Variants in FBXW10B observed in about 807,000 individuals in gnomAD.
FBXW10B encodes the protein F-box and WD repeat domain containing 10B, also known as F-box and WD repeat domain containing protein 10B.
chr17:15,619,675 A>C, the FBXW10B span: 1 of 935,324 alleles, frequency 1.1e-6, no homozygotes. Flanking sequence ...TGGAAAGCCT[A>C]TCTCTCTCAG....
chr17:15,618,218 C>G, the FBXW10B span, among the ~76,000 whole-genome samples: 1 of 152,116 alleles, frequency 6.6e-6, no homozygotes, highest in African/African-American at 2.4e-5. Flanking sequence ...GTCCCAGCTA[C>G]TTGGGAGGCT....
At chr17:15,602,107 G>T in the FBXW10B span, among the ~76,000 whole-genome samples, 25 of 134,028 alleles carry the variant, frequency 1.9e-4, no homozygotes, top group African/African-American at 7.3e-4. Flanking sequence ...GCGAGACTCC[G>T]TCTTAAAAAA....
the FBXW10B span, among the ~76,000 whole-genome samples, chr17:15,616,153 A>G: frequency 1.3e-5 from 2 of 151,890 alleles, no homozygotes; most frequent in African/African-American, 4.8e-5. Context: ...TCAAAATAGA[A>G]CATTTAACTT....
chr17:15,605,501 T>C, the FBXW10B span: 1 of 1,222,978 alleles, frequency 8.2e-7, no homozygotes, highest in Admixed American at 2.8e-5. Context: ...CCCATGACTT[T>C]TGCCTACAGC....
At chr17:15,576,595 T>C in the FBXW10B span, among the ~76,000 whole-genome samples, 1 of 152,262 alleles carries the variant, frequency 6.6e-6, no homozygotes, top group African/African-American at 2.4e-5. Flanking sequence ...TTTGATTATG[T>C]CTCTTTTGAA....
the FBXW10B span, chr17:15,619,116 T>G: frequency 6.2e-7 from 1 of 1,614,004 alleles, no homozygotes; most frequent in Non-Finnish European, 8.5e-7. Flanking sequence ...TAATTCGCCT[T>G]GGTCCACTGG....
chr17:15,611,407 A>G, the FBXW10B span, among the ~76,000 whole-genome samples: 2 of 152,214 alleles, frequency 1.3e-5, no homozygotes, highest in African/African-American at 2.4e-5. Context: ...GAGATTTCAC[A>G]TAATACCTCA....
chr17:15,606,325 G>A, the FBXW10B span, among the ~76,000 whole-genome samples: 3 of 140,330 alleles, frequency 2.1e-5, no homozygotes, highest in African/African-American at 8.4e-5. Context: ...GGGGAGCTTT[G>A]AGACCAATCT....
the FBXW10B span, among the ~76,000 whole-genome samples, chr17:15,601,235 C>T: frequency 4.2e-5 from 6 of 143,794 alleles, no homozygotes; most frequent in African/African-American, 1.0e-4. Flanking sequence ...CGGTGAAACC[C>T]CGTCTCTACT....
At chr17:15,618,769 A>G in the FBXW10B span, among the ~76,000 whole-genome samples, 3 of 152,164 alleles carry the variant, frequency 2.0e-5, no homozygotes, top group African/African-American at 7.2e-5. Context: ...TTGTGAGTTA[A>G]AAGTTGTGTA....
chr17:15,586,253 A>G, the FBXW10B span, among the ~76,000 whole-genome samples: 3 of 151,732 alleles, frequency 2.0e-5, no homozygotes, highest in African/African-American at 7.3e-5. Flanking sequence ...AATCTTCAAC[A>G]TCATCTGTTC....
At chr17:15,615,866 T>G in the FBXW10B span, 1 of 1,611,730 alleles carries the variant, frequency 6.2e-7, no homozygotes, top group African/African-American at 1.3e-5. Context: ...TTGAGGAAAA[T>G]GAGGTGGAGA....
At chr17:15,612,620 G>T in the FBXW10B span, 1 of 1,594,288 alleles carries the variant, frequency 6.3e-7, no homozygotes, top group Admixed American at 1.7e-5. Flanking sequence ...TCACTCCAGG[G>T]CTGAGTCTGG....
chr17:15,610,576 C>A, the FBXW10B span, among the ~76,000 whole-genome samples: 1 of 152,234 alleles, frequency 6.6e-6, no homozygotes. Context: ...CCACATCCCT[C>A]TGTGCCCTAG....
At chr17:15,571,970 G>GC in the FBXW10B span, 14 of 151,948 alleles carry the variant, frequency 9.2e-5, no homozygotes, top group Non-Finnish European at 1.8e-4. Flanking sequence ...ACGGCGGTGG[G>GC]GGGAGGGGTG....
the FBXW10B span, chr17:15,594,835 A>G: frequency 6.2e-7 from 1 of 1,613,958 alleles, no homozygotes. Flanking sequence ...TCCTGAGAGG[A>G]GATGCCACTG....
chr17:15,573,326 A>G, the FBXW10B span: 13 of 152,194 alleles, frequency 8.5e-5, no homozygotes, highest in African/African-American at 2.7e-4. Context: ...AGTAAACCCC[A>G]CAGGGAAACA....
chr17:15,602,489 G>C, the FBXW10B span, among the ~76,000 whole-genome samples: 10 of 151,146 alleles, frequency 6.6e-5, no homozygotes, highest in South Asian at 2.1e-3. Context: ...CTGTAATGTT[G>C]ATAGAAGAAA....
chr17:15,571,138 G>A, the FBXW10B span, among the ~76,000 whole-genome samples: 3 of 152,160 alleles, frequency 2.0e-5, no homozygotes, highest in Non-Finnish European at 2.9e-5. Context: ...TTGAGCCCAG[G>A]AGTTTGAGAC....
Sources: gnomAD v4.1 joint callset for allele counts (sites outside exome capture counted in the v4.1 genomes callset) on GRCh38, gnomAD v4.1.1 for gene constraint, MANE v1.5 for transcripts, NCBI Gene and HGNC (gene_info 2026-07-23, HGNC 2026-07-21) for gene names.